PEAK1: variants seen among roughly 807,000 people sequenced by gnomAD.
PEAK1 encodes the protein pseudopodium enriched atypical kinase 1.
In PEAK1, 54 loss-of-function variants were observed where a neutral mutation model predicts 124.7. The observed-to-expected ratio is 0.43, with a 90% CI of 0.35 to 0.54. The LOEUF (loss-of-function observed/expected upper bound fraction) is 0.54, where lower values mean the gene tolerates loss of function less well. PEAK1 is among the 20% of genes least tolerant of loss of function. The probability of loss-of-function intolerance (pLI) is 0.01; values close to 1 mark genes in which losing one functional copy is unlikely to be tolerated. For synonymous variants in PEAK1, 719 were observed against 760.0 expected (o/e 0.95, Z 0.89); for missense variants, 2,046 against 2,134.5 (o/e 0.96, Z 0.82).
chr15:77,129,493 G>C (rs1394189266), intron 9 of PEAK1, among the ~76,000 whole-genome samples: 1 of 150,588 alleles, frequency 6.6e-6, no homozygotes, highest in African/African-American at 2.4e-5. Flanking sequence ...CCAGGCTGGA[G>C]TGCAGTGCCT....
intron 8 of PEAK1, among the ~76,000 whole-genome samples, chr15:77,153,182 A>G (rs1243899774): frequency 6.6e-6 from 1 of 152,168 alleles, no homozygotes; most frequent in Non-Finnish European, 1.5e-5. Context: ...TTATTGGTCT[A>G]TTCAGAGATT....
intron 2 of PEAK1, among the ~76,000 whole-genome samples, chr15:77,343,975 G>A (rs936310626): frequency 3.0e-4 from 45 of 152,198 alleles, no homozygotes; most frequent in African/African-American, 1.0e-3. Context: ...TTTTTCATAT[G>A]GAAATATAGT....
rs765428895 is a variant in PEAK1, at chr15:77,133,604, T to C, written c.3478A>G (p.Ile1160Val). 1.5e-5 allele frequency: 25 copies of C among 1,614,020 alleles called. No homozygotes were observed. The South Asian group carries it at 2.6e-4, about 17-fold the overall frequency. ...PTPPPLPKKMIIRANTEPISK... is the reference protein window; with the variant it reads ...PTPPPLPKKMVIRANTEPISK... The stretch of plus-strand genomic sequence containing the variant: ...ATTGGCTCTGTATTGGCTCTTATGA[T>C]CATCTTCTTTGGCAGTGGGGGTGGT... The change falls in exon 9 of 10, where the codon ATC (isoleucine) becomes GTC (valine). Residue 1160 changes from isoleucine to valine, a missense_variant. Ile to Val is a conservative substitution (Grantham distance 29). Coordinates refer to ENST00000682557, the MANE Select transcript of PEAK1 (RefSeq NM_001385026.1). This position sits in a 1 kb window ranked among gnomAD's most constrained non-coding sequence, Gnocchi z 4.2.
intron 6 of PEAK1, among the ~76,000 whole-genome samples, chr15:77,211,087 T>C (rs1249487043): frequency 6.6e-6 from 1 of 152,130 alleles, no homozygotes; most frequent in Non-Finnish European, 1.5e-5. Flanking sequence ...AAAGTTTTAT[T>C]AAAACAGGCA....
chr15:77,180,474 C>A lies in PEAK1; in HGVS notation c.1453G>T (p.Ala485Ser). The A allele has an allele frequency of 1.2e-6, 2 of 1,614,094 alleles. No homozygotes were observed. Among genetic ancestry groups the A allele is most frequent in the Non-Finnish European group, 1.7e-6 (2 of 1,180,012 alleles). The stretch of plus-strand genomic sequence containing the variant: ...ACAGGGCCCTCGAGGTGCTCACTGG[C>A]CATGGCTGCTGACACATCCACGACA... ...YTVVDVSAAM[A>S]SEHLEGPVNS... The change falls in exon 7 of 10, where the codon GCC becomes TCC. Residue 485 changes from alanine to serine, a missense_variant. Physicochemically the swap from Ala to Ser is moderately conservative, Grantham distance 99. Transcript: ENST00000682557.
intron 8 of PEAK1, among the ~76,000 whole-genome samples, chr15:77,139,770 C>T (rs76176547): frequency 6.6e-6 from 1 of 151,130 alleles, no homozygotes; most frequent in Admixed American, 6.6e-5. Context: ...AGTAATAGAA[C>T]AATATTAAAT....
Position 77,115,181 on chromosome 15 carries a change from C to T in PEAK1, c.4216G>A (p.Glu1406Lys), listed in dbSNP as rs1596227120. 3.1e-6 allele frequency: 5 copies of T among 1,614,062 alleles called. No individual in the cohort carries two copies. The South Asian group carries it at 4.4e-5, about 14-fold the overall frequency. Residue 1406 changes from glutamate (E) to lysine (K), a missense_variant, in exon 10 of 10, where the codon GAG (glutamate) becomes AAG (lysine). Physicochemically the swap from Glu to Lys is moderately conservative, Grantham distance 56. Transcript: ENST00000682557. ...TCCTTTTCAGGGTCATCTGGATCCT[C>T]CCAGGGAAGCAGACGGTTAGGGACT... ...AEVPNRLLPW[E>K]DPDDPEKDED...
chr15:77,130,277 C>A (rs62007258), intron 9 of PEAK1, among the ~76,000 whole-genome samples: 13,280 of 152,170 alleles, frequency 0.087, 645 homozygotes, highest in Non-Finnish European at 0.1. Flanking sequence ...CAATAAGGGC[C>A]CAAGATAGAT....
intron 2 of PEAK1, among the ~76,000 whole-genome samples, chr15:77,355,185 T>C (rs1204445018): frequency 1.3e-5 from 2 of 152,008 alleles, no homozygotes; most frequent in Admixed American, 6.6e-5. Flanking sequence ...TAACGGAAAG[T>C]AGCATGGTGT....
intron 6 of PEAK1, among the ~76,000 whole-genome samples, chr15:77,226,050 T>TA (rs2059636385): frequency 1.7e-5 from 1 of 58,246 alleles, no homozygotes; most frequent in Non-Finnish European, 3.6e-5. Context: ...AAGGGATATA[T>TA]ATATATATAT....
intron 1 of PEAK1, among the ~76,000 whole-genome samples, chr15:77,390,148 G>A (rs993882174): frequency 6.6e-6 from 1 of 152,140 alleles, no homozygotes; most frequent in Non-Finnish European, 1.5e-5. Flanking sequence ...CAGTGAAAAT[G>A]TCAATAACAC....
Position 77,216,199 on chromosome 15 carries a change from GGTC to G in PEAK1, c.-114-34162_-114-34160del, listed in dbSNP as rs531117909. On this transcript the variant is annotated intron_variant, in intron 6 of 9. Coordinates refer to ENST00000682557, the MANE Select transcript of PEAK1 (RefSeq NM_001385026.1). ...AACAGTACACTGCTCCATTTATTTA[GGTC>G]TTCTTTAATTTCCCTTTGGAACGTT... is the stretch of plus-strand genomic sequence containing the variant. Among the ~76,000 whole-genome samples the G allele has an allele frequency of 4.6e-5, 7 of 152,176 alleles. No individual in the cohort carries two copies. The South Asian group carries it at 1.5e-3, about 32-fold the overall frequency.
intron 6 of PEAK1, among the ~76,000 whole-genome samples, chr15:77,223,519 T>C (rs1212824068): frequency 6.6e-6 from 1 of 152,004 alleles, no homozygotes; most frequent in Non-Finnish European, 1.5e-5. Flanking sequence ...CAAAACACAT[T>C]TGTGTGTGTG....
chr15:77,369,342 G>C (rs2068483734), intron 1 of PEAK1, among the ~76,000 whole-genome samples: 1 of 152,146 alleles, frequency 6.6e-6, no homozygotes, highest in Non-Finnish European at 1.5e-5. Context: ...TTAAGTATTA[G>C]CTTCTCGACC....
At chr15:77,342,402 T>C (rs1002102248) in intron 2 of PEAK1, among the ~76,000 whole-genome samples, 2 of 133,638 alleles carry the variant, frequency 1.5e-5, no homozygotes, top group Non-Finnish European at 1.6e-5. Flanking sequence ...TCATACAGCA[T>C]GTCTTTTTTT....
At chr15:77,249,168 A>C (rs1374227957) in intron 6 of PEAK1, among the ~76,000 whole-genome samples, 1 of 152,034 alleles carries the variant, frequency 6.6e-6, no homozygotes, top group African/African-American at 2.4e-5. Context: ...AATTGCACAT[A>C]GGCTTCCCTA....
At chr15:77,168,743 T>C (rs2056303353) in intron 7 of PEAK1, among the ~76,000 whole-genome samples, 1 of 152,198 alleles carries the variant, frequency 6.6e-6, no homozygotes, top group Non-Finnish European at 1.5e-5. Context: ...TTGATACAGA[T>C]GCATAGCATT....
At chr15:77,336,337 TTC>T in intron 2 of PEAK1, 2 of 985,426 alleles carry the variant, frequency 2.0e-6, no homozygotes, top group Non-Finnish European at 2.4e-6. Flanking sequence ...CACCCTCATA[TTC>T]TCTCACCAAA....
chr15:77,283,321 T>C (rs1027570319), intron 5 of PEAK1, among the ~76,000 whole-genome samples: 3 of 152,216 alleles, frequency 2.0e-5, no homozygotes, highest in African/African-American at 4.8e-5. Context: ...ATGCAGTTAA[T>C]CATCTTAAAA....
Sources: allele counts gnomAD v4.1 joint callset (sites outside exome capture counted in the v4.1 genomes callset), GRCh38; gene constraint gnomAD v4.1.1; non-coding constraint Gnocchi (gnomAD v3.1); transcripts MANE v1.5; gene names NCBI Gene and HGNC (gene_info 2026-07-23, HGNC 2026-07-21).